Variants in PHETA1 observed in about 807,000 individuals in gnomAD.
The protein encoded by PHETA1 is sesquipedalian-1.
For synonymous variants in PHETA1, 155 were observed against 168.9 expected (o/e 0.92, Z 0.64); for missense variants, 348 against 373.5 (o/e 0.93, Z 0.56).
rs916537166 is a variant in PHETA1, at chr12:111,363,630, A to C, written c.-36-167T>G. The stretch of plus-strand genomic sequence containing the variant: ...TGCGCCCACAACTCCTAAGAAGCAG[A>C]GACAGGACTGGAACCTGGGTCTCAC... On this transcript the variant is annotated intron_variant, in intron 2 of 2. Coordinates refer to ENST00000683047, the MANE Select transcript of PHETA1 (RefSeq NM_144671.6). This position sits in a 1 kb window ranked among gnomAD's most constrained non-coding sequence, Gnocchi z 7.4. 3.9e-6 allele frequency: 6 copies of C among 1,534,668 alleles called. No homozygotes were observed. Among genetic ancestry groups the C allele is most frequent in the African/African-American group, 1.4e-5 (1 of 73,020 alleles).
chr12:111,367,875 A>T lies in PHETA1; in HGVS notation c.-182+1037T>A, dbSNP rs1869125113. On this transcript the variant is annotated intron_variant, in intron 1 of 2. Coordinates refer to ENST00000683047, the MANE Select transcript of PHETA1 (RefSeq NM_144671.6). This position sits in a 1 kb window ranked among gnomAD's most constrained non-coding sequence, Gnocchi z 4.0. The stretch of plus-strand genomic sequence containing the variant: ...GCTGCTGATTCAACAGCCCATGGCC[A>T]GACAGGAAGCTGGAGGGAGCCTGGC... 6.6e-6 allele frequency among the ~76,000 whole-genome samples: 1 copy of T among 152,252 alleles called. No individual in the cohort carries two copies. The highest frequency in any genetic ancestry group is 1.5e-5 in the Non-Finnish European group (1 of 68,038).
In PHETA1 at chr12:111,367,126, G is replaced by C. The variant is rs759283393; in HGVS notation, c.-181-869C>G. On this transcript the variant is annotated intron_variant, in intron 1 of 2. Transcript: ENST00000683047. The surrounding 1 kb of genome is among the most constrained non-coding windows in gnomAD (Gnocchi z 4.0). ...CTCCAGCCATCCTGGCCTCCTTTCT[G>C]TTCCTCAAATACACCAGACACATCC... is the stretch of plus-strand genomic sequence containing the variant. 4.5e-4 allele frequency among the ~76,000 whole-genome samples: 68 copies of C among 151,284 alleles called. 1 individual carries two copies. Among genetic ancestry groups the C allele is most frequent in the Non-Finnish European group, 6.2e-4 (42 of 67,944 alleles).
chr12:111,362,350 T>C lies in PHETA1; in HGVS notation c.*328A>G. 1.8e-6 allele frequency: 1 copy of C among 547,266 alleles called. No homozygotes were observed. Among genetic ancestry groups the C allele is most frequent in the Admixed American group, 3.2e-5 (1 of 31,400 alleles). 33.9% of individuals were successfully genotyped at this position (547,266 alleles called of 1,614,324 possible). On this transcript the variant is annotated 3_prime_UTR_variant, in exon 3 of 3. Coordinates refer to ENST00000683047, the MANE Select transcript of PHETA1 (RefSeq NM_144671.6). ...TGAGCTGCAGGCCCGGCAATGCCTG[T>C]TGCCAGCACAGGCCTCTGCCCGGCA...
rs1252791292 is a variant in PHETA1 at position 111,362,782 on chromosome 12, G to C, written c.646C>G (p.His216Asp). The change falls in exon 3 of 3, where the codon CAC becomes GAC. Residue 216 changes from histidine (H) to aspartate (D), a missense_variant. His to Asp is a moderately conservative substitution (Grantham distance 81, BLOSUM62 -1). Transcript: ENST00000683047. ...PPPRRRASAP[H>D]GPLDMAPFAR... ...AAGGGGGCCATGTCCAGGGGCCCGT[G>C]GGGTGCCGAGGCCCGGCGGCGAGGC... 11 of 1,539,840 alleles carry C rather than the reference G, an allele frequency of 7.1e-6. No individual in the cohort carries two copies. Among genetic ancestry groups the C allele is most frequent in the Non-Finnish European group, 8.7e-6 (10 of 1,145,274 alleles).
chr12:111,363,252 C>T lies in PHETA1; in HGVS notation c.176G>A (p.Gly59Asp). The T allele has an allele frequency of 6.2e-7, 1 of 1,613,314 alleles. No individual in the cohort carries two copies. Among genetic ancestry groups the T allele is most frequent in the Non-Finnish European group, 8.5e-7 (1 of 1,179,926 alleles). Residue 59 changes from glycine (G) to aspartate (D), a missense_variant, in exon 3 of 3, where the codon GGC becomes GAC. Physicochemically the swap from Gly to Asp is moderately conservative, Grantham distance 94 (BLOSUM62 -1). Transcript: ENST00000683047. This position sits in a 1 kb window ranked among gnomAD's most constrained non-coding sequence, Gnocchi z 7.4. ...FEDAASREPV[G>D]VIILEGCTVE... ...AGTGCAGCCCTCCAGGATGATGACG[C>T]CCACGGGCTCACGGCTGGCAGCGTC...
At chr12:111,365,314 T>C (rs2091644079) in intron 2 of PHETA1, among the ~76,000 whole-genome samples, 1 of 152,200 alleles carries the variant, frequency 6.6e-6, no homozygotes, top group Non-Finnish European at 1.5e-5. Context: ...GGGTGGTGTC[T>C]TTCTCAGAGC....
rs10849938 is a variant in PHETA1 at position 111,362,255 on chromosome 12, T to C, written c.*423A>G. The C allele has an allele frequency of 0.38, 140,861 of 373,678 alleles. 35,208 individuals are homozygous for C. Among genetic ancestry groups the C allele is most frequent in the East Asian group, 0.94 (13,651 of 14,522 alleles). The allele number at this position is 373,678 out of a possible 1,614,324, so 23.1% of individuals were successfully genotyped here. ...CCTCCCTCTGTCCACCCTGAAGGCCTGGTCAGGAGCTGCACTAACTGTGCA... is the reference window on the plus strand; with the variant it reads ...CCTCCCTCTGTCCACCCTGAAGGCCCGGTCAGGAGCTGCACTAACTGTGCA... On this transcript the variant is annotated 3_prime_UTR_variant, in exon 3 of 3. Coordinates refer to ENST00000683047, the MANE Select transcript of PHETA1 (RefSeq NM_144671.6).
rs1413984685 is a variant in PHETA1, at chr12:111,367,011, AT to A, written c.-181-755del. 6.9e-6 allele frequency among the ~76,000 whole-genome samples: 1 copy of A among 144,286 alleles called. No individual in the cohort carries two copies. Among genetic ancestry groups the A allele is most frequent in the Non-Finnish European group, 1.5e-5 (1 of 66,238 alleles). The allele number at this position is 144,286 out of a possible 152,430, so 94.7% of individuals were successfully genotyped here. Reference sequence around the variant, plus strand: ...TGAACTTGGGGGGTGACATAGTGAGATTCTGTCTCAAAAAAAAAAAAAAAAA... The same window carrying A: ...TGAACTTGGGGGGTGACATAGTGAGATCTGTCTCAAAAAAAAAAAAAAAAA... On this transcript the variant is annotated intron_variant, in intron 1 of 2. Transcript: ENST00000683047. The surrounding 1 kb of genome is among the most constrained non-coding windows in gnomAD (Gnocchi z 4.0).
Position 111,363,729 on chromosome 12 carries a change from T to G in PHETA1, c.-36-266A>C. ...AATAATGTTGTGAGTTCCTGCTGCA[T>G]GCCAGACATTTCAGAGGAATGAACT... On this transcript the variant is annotated intron_variant, in intron 2 of 2. Transcript: ENST00000683047. The surrounding 1 kb of genome is among the most constrained non-coding windows in gnomAD (Gnocchi z 7.4). The G allele has an allele frequency of 6.7e-7, 1 of 1,502,558 alleles. No individual in the cohort carries two copies. Among genetic ancestry groups the G allele is most frequent in the Non-Finnish European group, 8.9e-7 (1 of 1,125,904 alleles). 93.1% of individuals were successfully genotyped at this position (1,502,558 alleles called of 1,614,324 possible).
Position 111,363,533 on chromosome 12 carries a change from C to G in PHETA1, c.-36-70G>C. The G allele has an allele frequency of 6.5e-7, 1 of 1,533,442 alleles. No individual in the cohort carries two copies. 95.0% of individuals were successfully genotyped at this position (1,533,442 alleles called of 1,614,324 possible). A position where few individuals can be genotyped will look rare whatever the true frequency, so the allele number is the denominator to read the frequency against. ...AGGTCACCCAGTGCCCCAAGGGGAC[C>G]TTGCAGCCACTCTACATCCCCGTTT... On this transcript the variant is annotated intron_variant, in intron 2 of 2. Coordinates refer to ENST00000683047, the MANE Select transcript of PHETA1 (RefSeq NM_144671.6). This position sits in a 1 kb window ranked among gnomAD's most constrained non-coding sequence, Gnocchi z 7.4.
chr12:111,362,410 A>T lies in PHETA1; in HGVS notation c.*268T>A. On this transcript the variant is annotated 3_prime_UTR_variant, in exon 3 of 3. Coordinates refer to ENST00000683047, the MANE Select transcript of PHETA1 (RefSeq NM_144671.6). Reference sequence around the variant, plus strand: ...AGCCTGGGGCCGGAGTTCTCAGGAAACCTCCCCCTCAGGCCCTGGATTCTC... The same window carrying T: ...AGCCTGGGGCCGGAGTTCTCAGGAATCCTCCCCCTCAGGCCCTGGATTCTC... 2.3e-6 allele frequency: 2 copies of T among 879,434 alleles called. No homozygotes were observed. Among genetic ancestry groups the T allele is most frequent in the South Asian group, 1.9e-5 (1 of 52,310 alleles). The allele number at this position is 879,434 out of a possible 1,614,324, so 54.5% of individuals were successfully genotyped here. A position where few individuals can be genotyped will look rare whatever the true frequency, so the allele number is the denominator to read the frequency against.
In PHETA1 at chr12:111,362,021, A is replaced by C. The variant is rs1206936568; in HGVS notation, c.*657T>G. 5 of 455,836 alleles carry C rather than the reference A, an allele frequency of 1.1e-5. 1 individual carries two copies. The highest frequency in any genetic ancestry group is 6.2e-5 in the South Asian group (4 of 64,544). The allele number at this position is 455,836 out of a possible 1,614,324, so 28.2% of individuals were successfully genotyped here. On this transcript the variant is annotated 3_prime_UTR_variant, in exon 3 of 3. Transcript: ENST00000683047. ...AGGCCTGGCAGGGGACTTTTGGCAGAGTCCTGCCTCAGCCAGCCCAGGCCA... is the reference window on the plus strand; with the variant it reads ...AGGCCTGGCAGGGGACTTTTGGCAGCGTCCTGCCTCAGCCAGCCCAGGCCA...
In PHETA1 at chr12:111,363,136, G is replaced by A; in HGVS notation, c.292C>T (p.Gln98Ter). ...ARTYVLAAESQDAMEGWVKAL... is the reference protein window; with the variant it reads ...ARTYVLAAES ...TTGACCCAGCCCTCCATGGCATCCT[G>A]ACTCTCAGCGGCCAGCACGTAGGTG... The change falls in exon 3 of 3, where the codon CAG becomes TAG. Residue 98 changes from glutamine to a stop codon, truncating the protein, a stop_gained. Coordinates refer to ENST00000683047, the MANE Select transcript of PHETA1 (RefSeq NM_144671.6). LOFTEE classifies it low-confidence loss of function (END_TRUNC). This position sits in a 1 kb window ranked among gnomAD's most constrained non-coding sequence, Gnocchi z 7.4. The A allele has an allele frequency of 2.5e-6, 4 of 1,609,586 alleles. No homozygotes were observed. The highest frequency in any genetic ancestry group is 3.4e-6 in the Non-Finnish European group (4 of 1,179,608).
chr12:111,364,610 A>G (rs1868909338), intron 2 of PHETA1, among the ~76,000 whole-genome samples: 1 of 152,028 alleles, frequency 6.6e-6, no homozygotes, highest in African/African-American at 2.4e-5. Context: ...CATCTCTACT[A>G]AAAAACAGCC....
At position 111,362,718 on chromosome 12, in the gene PHETA1, G is replaced by A. The variant is rs2079772; in HGVS notation, c.710C>T (p.Ala237Val). Residue 237 changes from alanine (A) to valine (V), a missense_variant, in exon 3 of 3, where the codon GCC (alanine) becomes GTC (valine). Transcript: ENST00000683047. The stretch of plus-strand genomic sequence containing the variant: ...GCTGCTGAGCCACTGGCCACGCAGG[G>A]CCCGGATCTCCTGGCCATAGCACTC... ...LHECYGQEIR[A>V]LRGQWLSSRV... The A allele has an allele frequency of 6.5e-7, 1 of 1,546,906 alleles. No individual in the cohort carries two copies. The highest frequency in any genetic ancestry group is 2.4e-5 in the East Asian group (1 of 40,916).
chr12:111,363,000 G>A lies in PHETA1; in HGVS notation c.428C>T (p.Pro143Leu). ...GGACGGGGGCAAGGGCAGGGACTGG[G>A]GCTGGGGCTGGGGCAGGGCCATGCC... Reference protein sequence around the residue: ...GGGMALPQPQPQSLPLPPSLP... With the variant: ...GGGMALPQPQLQSLPLPPSLP... The change falls in exon 3 of 3, where the codon CCC becomes CTC. Residue 143 changes from proline (P) to leucine (L), a missense_variant. Transcript: ENST00000683047. 1 of 1,495,714 alleles carries A rather than the reference G, an allele frequency of 6.7e-7. No homozygotes were observed. The highest frequency in any genetic ancestry group is 1.4e-5 in the African/African-American group (1 of 72,236). The allele number at this position is 1,495,714 out of a possible 1,614,324, so 92.7% of individuals were successfully genotyped here.
chr12:111,365,264 C>T (rs1868961157), intron 2 of PHETA1, among the ~76,000 whole-genome samples: 1 of 152,192 alleles, frequency 6.6e-6, no homozygotes, highest in Admixed American at 6.5e-5. Flanking sequence ...GATATAAAGT[C>T]CTGGTACGCA....
At position 111,363,871 on chromosome 12, in the gene PHETA1, G is replaced by C. The variant is rs1868860017; in HGVS notation, c.-36-408C>G. ...TTCCCTGGTGTCACAAAGCAGGTTG[G>C]GCAGGGCTGAAATCCAAACCCAGGC... On this transcript the variant is annotated intron_variant, in intron 2 of 2. Coordinates refer to ENST00000683047, the MANE Select transcript of PHETA1 (RefSeq NM_144671.6). The surrounding 1 kb of genome is among the most constrained non-coding windows in gnomAD (Gnocchi z 7.4). 2 of 663,672 alleles carry C rather than the reference G, an allele frequency of 3.0e-6. No homozygotes were observed. The highest frequency in any genetic ancestry group is 3.8e-5 in the African/African-American group (2 of 52,762). The allele number at this position is 663,672 out of a possible 1,614,324, so 41.1% of individuals were successfully genotyped here.
At position 111,362,616 on chromosome 12, in the gene PHETA1, G is replaced by T; in HGVS notation, c.*62C>A. 1 of 1,546,272 alleles carries T rather than the reference G, an allele frequency of 6.5e-7. No individual in the cohort carries two copies. Among genetic ancestry groups the T allele is most frequent in the South Asian group, 1.2e-5 (1 of 83,644 alleles). On this transcript the variant is annotated 3_prime_UTR_variant, in exon 3 of 3. Coordinates refer to ENST00000683047, the MANE Select transcript of PHETA1 (RefSeq NM_144671.6). ...GGATCTGCTCCCCCAGTCTCTCCAG[G>T]ACCCGGCCTGTCCCAGAGGGCATAG...
Sources: gnomAD v4.1 joint callset for allele counts (sites outside exome capture counted in the v4.1 genomes callset) on GRCh38, gnomAD v4.1.1 for gene constraint, Gnocchi (gnomAD v3.1) non-coding constraint, MANE v1.5 for transcripts, NCBI Gene and HGNC (gene_info 2026-07-23, HGNC 2026-07-21) for gene names.